MINDY4: variants seen among roughly 807,000 people sequenced by gnomAD.
MINDY4 encodes the protein MINDY lysine 48 deubiquitinase 4.
MINDY4 carries 68 observed loss-of-function variants against 87.0 expected under a neutral mutation model. That is an observed-to-expected ratio of 0.78 (90% CI 0.64 to 0.96). The LOEUF is 0.96. MINDY4 is among the 40% of genes least tolerant of loss of function. MINDY4 has a pLI of 0.00. For synonymous variants in MINDY4, 379 were observed against 363.2 expected (o/e 1.04, Z -0.50); for missense variants, 919 against 928.2 (o/e 0.99, Z 0.13).
rs60124746 is a variant in MINDY4, at chr7:30,819,892, ATTTTTTT to A, written c.1074-8766_1074-8760del. Among the ~76,000 whole-genome samples, 130 of 96,676 alleles carry A rather than the reference ATTTTTTT, an allele frequency of 1.3e-3. 1 individual carries two copies. Among genetic ancestry groups the A allele is most frequent in the African/African-American group, 6.0e-3 (117 of 19,404 alleles). 63.4% of individuals were successfully genotyped at this position (96,676 alleles called of 152,430 possible). A position where few individuals can be genotyped will look rare whatever the true frequency, so the allele number is the denominator to read the frequency against. On this transcript the variant is annotated intron_variant, in intron 5 of 17. Coordinates refer to ENST00000265299, the MANE Select transcript of MINDY4 (RefSeq NM_032222.3). ...TGTGTCTTAAAACAGCATATAGATA[ATTTTTTT>A]TTTTTTTTTTTTTTTTTTTTGAGAC...
intron 14 of MINDY4, among the ~76,000 whole-genome samples, chr7:30,874,996 C>T (rs541679089): frequency 7.2e-5 from 11 of 152,318 alleles, no homozygotes; most frequent in Non-Finnish European, 1.5e-5. Context: ...AAAATAACAT[C>T]GTTTAAGACT....
At chr7:30,886,340 A>G (rs894933682) in intron 17 of MINDY4, among the ~76,000 whole-genome samples, 1 of 152,182 alleles carries the variant, frequency 6.6e-6, no homozygotes, top group Non-Finnish European at 1.5e-5. Context: ...CCATCAGCCA[A>G]AAGTCAAGTT....
intron 13 of MINDY4, among the ~76,000 whole-genome samples, chr7:30,861,831 A>G (rs981956769): frequency 1.3e-5 from 2 of 152,210 alleles, no homozygotes; most frequent in Admixed American, 1.3e-4. Flanking sequence ...CTCAGTAGGC[A>G]CAGCCACAGG....
intron 5 of MINDY4, among the ~76,000 whole-genome samples, chr7:30,827,520 C>T (rs961083951): frequency 5.3e-5 from 8 of 152,182 alleles, no homozygotes; most frequent in Non-Finnish European, 7.3e-5. Flanking sequence ...CTCTTTCCAG[C>T]TCATTCTTCC....
At chr7:30,875,391 C>T in intron 14 of MINDY4, 104 bp from the exon 15 acceptor site, 8 of 1,296,382 alleles carry the variant, frequency 6.2e-6, no homozygotes, top group Non-Finnish European at 8.9e-6. Context: ...TCCCTCCTTG[C>T]TTTCCTTCCT....
chr7:30,778,083 C>T (rs547661253), intron 1 of MINDY4, among the ~76,000 whole-genome samples: 22 of 152,260 alleles, frequency 1.4e-4, no homozygotes, highest in African/African-American at 4.8e-4. Flanking sequence ...GTTTCCCCAT[C>T]TGAGAGTGAA....
intron 12 of MINDY4, among the ~76,000 whole-genome samples, chr7:30,856,116 T>A (rs575732788): frequency 1.2e-4 from 18 of 152,232 alleles, no homozygotes; most frequent in Admixed American, 1.0e-3. Context: ...CTGCCTCCCA[T>A]TGGAGTTCCT....
intron 5 of MINDY4, among the ~76,000 whole-genome samples, chr7:30,826,613 T>G (rs1189981818): frequency 6.6e-6 from 1 of 152,218 alleles, no homozygotes; most frequent in Non-Finnish European, 1.5e-5. Flanking sequence ...CCTTGCAGGA[T>G]ACCTTCATGG....
chr7:30,785,054 TCTCA>T (rs1449273021), intron 3 of MINDY4, among the ~76,000 whole-genome samples: 1 of 150,394 alleles, frequency 6.6e-6, no homozygotes, highest in Non-Finnish European at 1.5e-5. Flanking sequence ...CTGTGCTTAT[TCTCA>T]CTGTCTCTTG....
Position 30,855,359 on chromosome 7 carries a change from C to T in MINDY4, c.1677+1900C>T, listed in dbSNP as rs149481134. Among the ~76,000 whole-genome samples the T allele has an allele frequency of 3.5e-3, 533 of 152,280 alleles. 6 individuals carry two copies. The highest frequency in any genetic ancestry group is 0.012 in the African/African-American group (495 of 41,552). ...GCAGAAAGGAGACCTGCTGTTGATCCGGAGTGTTGTGAGAGTGCAGCAGTC... is the reference window on the plus strand; with the variant it reads ...GCAGAAAGGAGACCTGCTGTTGATCTGGAGTGTTGTGAGAGTGCAGCAGTC... On this transcript the variant is annotated intron_variant, in intron 12 of 17. Transcript: ENST00000265299.
intron 5 of MINDY4, among the ~76,000 whole-genome samples, chr7:30,812,278 G>GT (rs56686797): frequency 1.0e-5 from 1 of 96,852 alleles, no homozygotes; most frequent in African/African-American, 2.9e-5. Flanking sequence ...TTGAGGGGGG[G>GT]GGGGTATGTA....
intron 5 of MINDY4, among the ~76,000 whole-genome samples, chr7:30,818,275 T>C (rs1210159094): frequency 6.6e-6 from 1 of 152,242 alleles, no homozygotes; most frequent in Non-Finnish European, 1.5e-5. Flanking sequence ...TATTTGGTCA[T>C]AATTTCTCTC....
At chr7:30,783,074 C>G (rs777795562) in intron 3 of MINDY4, among the ~76,000 whole-genome samples, 1 of 152,206 alleles carries the variant, frequency 6.6e-6, no homozygotes. Flanking sequence ...AATTTATTCT[C>G]TTACAGTTCT....
intron 5 of MINDY4, among the ~76,000 whole-genome samples, chr7:30,828,077 T>C (rs1001857257): frequency 2.6e-5 from 4 of 151,878 alleles, no homozygotes; most frequent in African/African-American, 9.7e-5. Flanking sequence ...CCTTAAAAGG[T>C]GGACCCTTTT....
At chr7:30,832,039 G>A (rs1197525057) in intron 6 of MINDY4, among the ~76,000 whole-genome samples, 2 of 152,142 alleles carry the variant, frequency 1.3e-5, no homozygotes, top group African/African-American at 2.4e-5. Flanking sequence ...TGGGCCCGAG[G>A]CCTGCTATAT....
rs1392301618 is a variant in MINDY4, at chr7:30,791,587, T to C, written c.1073+13T>C. 2 of 1,589,938 alleles carry C rather than the reference T, an allele frequency of 1.3e-6. No homozygotes were observed. Among genetic ancestry groups the C allele is most frequent in the Non-Finnish European group, 8.6e-7 (1 of 1,167,120 alleles). On this transcript the variant is annotated intron_variant, in intron 5 of 17. Transcript: ENST00000265299. ...CCGCACCTGTCAGGTGAGTGTGCTATGCAAAGGTGACGGCTTTTCAAAAAG... is the reference window on the plus strand; with the variant it reads ...CCGCACCTGTCAGGTGAGTGTGCTACGCAAAGGTGACGGCTTTTCAAAAAG...
intron 4 of MINDY4, among the ~76,000 whole-genome samples, chr7:30,787,922 G>T (rs187150206): frequency 6.2e-4 from 94 of 152,278 alleles, no homozygotes; most frequent in Non-Finnish European, 5.0e-4. Context: ...AATTAAAAGT[G>T]AGAAGTTAAA....
rs573327866 is a variant in MINDY4, at chr7:30,845,933, G to C, written c.1446-4521G>C. Among the ~76,000 whole-genome samples, 448 of 152,328 alleles carry C rather than the reference G, an allele frequency of 2.9e-3. 3 individuals carry two copies. Among genetic ancestry groups the C allele is most frequent in the African/African-American group, 0.01 (433 of 41,574 alleles). ...TACTTGGTGTTTTTCCACTTGAGAA[G>C]AGGCTGTGCCGGCTTGGCTCACAGA... On this transcript the variant is annotated intron_variant, in intron 9 of 17. Coordinates refer to ENST00000265299, the MANE Select transcript of MINDY4 (RefSeq NM_032222.3).
At chr7:30,799,127 G>A (rs1432822735) in intron 5 of MINDY4, among the ~76,000 whole-genome samples, 1 of 152,080 alleles carries the variant, frequency 6.6e-6, no homozygotes. Context: ...CAGACCTCCA[G>A]GCCTCTCTGG....
Sources: gnomAD v4.1 joint callset for allele counts (sites outside exome capture counted in the v4.1 genomes callset) on GRCh38, gnomAD v4.1.1 for gene constraint, MANE v1.5 for transcripts, NCBI Gene and HGNC (gene_info 2026-07-23, HGNC 2026-07-21) for gene names.